The following PTCRA variants were observed in gnomAD, a reference collection of about 807,000 sequenced individuals.
PTCRA encodes pre T cell antigen receptor alpha.
A neutral mutation model predicts 13.4 loss-of-function variants in PTCRA; 9 were observed. The ratio of observed to expected loss-of-function variants is 0.67; its 90% confidence interval spans 0.41 to 1.18. The LOEUF (loss-of-function observed/expected upper bound fraction) is 1.18. PTCRA is among the 50% of genes most tolerant of loss of function. The pLI, the probability that PTCRA is intolerant of heterozygous loss-of-function variation, is 0.01. For synonymous variants in PTCRA, 153 were observed against 161.9 expected (o/e 0.94, Z 0.42); for missense variants, 353 against 359.8 (o/e 0.98, Z 0.15).
At chr6:42,920,626 C>T (rs1236817042) in intron 1 of PTCRA, among the ~76,000 whole-genome samples, 1 of 151,748 alleles carries the variant, frequency 6.6e-6, no homozygotes, top group Admixed American at 6.6e-5. Flanking sequence ...GGGGTTTCAC[C>T]GTGTTAGCCA....
chr6:42,924,336 G>A (rs778658960), intron 3 of PTCRA, 63 bp downstream of exon 3: 6 of 1,462,008 alleles, frequency 4.1e-6, no homozygotes, highest in South Asian at 2.3e-5. Flanking sequence ...GGCCCGGGGG[G>A]TGGGGCCTTC....
intron 1 of PTCRA, among the ~76,000 whole-genome samples, chr6:42,919,291 G>A (rs1767029816): frequency 6.6e-6 from 1 of 152,102 alleles, no homozygotes; most frequent in African/African-American, 2.4e-5. Flanking sequence ...ACCACGCCTG[G>A]CCTAGGCTAA....
In PTCRA at chr6:42,922,882, A is replaced by G. The variant is rs563352772; in HGVS notation, c.59-145A>G. ...GATGGGAAAATGCAAGGAGGAATGG[A>G]TGAGTGGCTAGAAGGACATGTAGAT... On this transcript the variant is annotated intron_variant, in intron 1 of 3. Coordinates refer to ENST00000304672, the MANE Select transcript of PTCRA (RefSeq NM_138296.3). 13 of 726,868 alleles carry G rather than the reference A, an allele frequency of 1.8e-5. No homozygotes were observed. In the African/African-American group the frequency reaches 2.3e-4, roughly 13 times the overall value. The allele number at this position is 726,868 out of a possible 1,614,324, so 45.0% of individuals were successfully genotyped here.
At chr6:42,918,626 C>T (rs1033478365) in intron 1 of PTCRA, among the ~76,000 whole-genome samples, 2 of 151,912 alleles carry the variant, frequency 1.3e-5, no homozygotes, top group African/African-American at 4.8e-5. Flanking sequence ...TCAGGAGTCA[C>T]GCTTAGCTCT....
intron 3 of PTCRA, 78 bp downstream of exon 3, chr6:42,924,351 C>T (rs771676065): frequency 3.2e-6 from 4 of 1,251,114 alleles, no homozygotes; most frequent in Non-Finnish European, 4.7e-6. Context: ...GCCTTCAGCT[C>T]TGGCCTAATG....
At chr6:42,921,130 C>T (rs1935763193) in intron 1 of PTCRA, among the ~76,000 whole-genome samples, 1 of 148,852 alleles carries the variant, frequency 6.7e-6, no homozygotes, top group African/African-American at 2.5e-5. Context: ...GAGACAGAAT[C>T]TTGTGCTGTT....
chr6:42,925,589 G>T lies in PTCRA; in HGVS notation c.753G>T (p.Trp251Cys). 1 of 1,601,278 alleles carries T rather than the reference G, an allele frequency of 6.2e-7. No individual in the cohort carries two copies. Among genetic ancestry groups the T allele is most frequent in the Non-Finnish European group, 8.5e-7 (1 of 1,173,550 alleles). Residue 251 changes from tryptophan to cysteine, a missense_variant, in exon 4 of 4, where the codon TGG (tryptophan) becomes TGT (cysteine). Transcript: ENST00000304672. The surrounding 1 kb of genome is among the most constrained non-coding windows in gnomAD (Gnocchi z 4.4). Reference protein sequence around the residue: ...SSYPTCPAQAWCSRSALRAPS... With the variant: ...SSYPTCPAQACCSRSALRAPS... ...ACCCCACTTGCCCAGCACAGGCCTG[G>T]TGCTCAAGATCTGCCCTCAGGGCTC... is the stretch of plus-strand genomic sequence containing the variant.
chr6:42,923,232 C>A lies in PTCRA; in HGVS notation c.264C>A (p.Asn88Lys). The change falls in exon 2 of 4, where the codon AAC becomes AAA. Residue 88 changes from asparagine to lysine, a missense_variant. Transcript: ENST00000304672. ...CAGCAACGGATGGCACCTGGACCAA[C>A]TTGGCCCATCTCTCCCTGCCTTCTG... The part of the protein sequence containing the change: ...PSPATDGTWT[N>K]LAHLSLPSEE... The A allele has an allele frequency of 6.2e-7, 1 of 1,614,252 alleles. No homozygotes were observed. Among genetic ancestry groups the A allele is most frequent in the Non-Finnish European group, 8.5e-7 (1 of 1,180,028 alleles).
chr6:42,917,266 G>A (rs756768031), intron 1 of PTCRA, among the ~76,000 whole-genome samples: 25 of 147,376 alleles, frequency 1.7e-4, no homozygotes, highest in Non-Finnish European at 2.5e-4. Flanking sequence ...ACTGTCGCCC[G>A]GGCTGGAGTA....
Position 42,922,939 on chromosome 6 carries a change from A to G in PTCRA, c.59-88A>G, listed in dbSNP as rs756533180. Reference sequence around the variant, plus strand: ...TGGAAGGATGGATGGATGGAAAGACAGAAATGTAGAACCCTAGCCTACAAC... The same window carrying G: ...TGGAAGGATGGATGGATGGAAAGACGGAAATGTAGAACCCTAGCCTACAAC... On this transcript the variant is annotated intron_variant, in intron 1 of 3. Coordinates refer to ENST00000304672, the MANE Select transcript of PTCRA (RefSeq NM_138296.3). 27 of 1,239,850 alleles carry G rather than the reference A, an allele frequency of 2.2e-5. No homozygotes were observed. In the South Asian group the frequency reaches 3.4e-4, roughly 16 times the overall value. 76.8% of individuals were successfully genotyped at this position (1,239,850 alleles called of 1,614,324 possible).
chr6:42,923,328 A>C lies in PTCRA; in HGVS notation c.360A>C (p.Thr120=), dbSNP rs758521719. ...GPGAEGHSRS[T]QPMHLSGEAS... ...GGGCTGAGGGTCACAGCAGGAGTACACAGCCCATGCATCTGTCAGGTGGGG... is the reference window on the plus strand; with the variant it reads ...GGGCTGAGGGTCACAGCAGGAGTACCCAGCCCATGCATCTGTCAGGTGGGG... The change falls in exon 2 of 4, where the codon ACA becomes ACC. Residue 120 remains threonine (T), a synonymous_variant. Coordinates refer to ENST00000304672, the MANE Select transcript of PTCRA (RefSeq NM_138296.3). The C allele has an allele frequency of 1.9e-6, 3 of 1,614,156 alleles. No individual in the cohort carries two copies. In the African/African-American group the frequency reaches 4.0e-5, roughly 22 times the overall value.
At chr6:42,917,607 T>C (rs1343856485) in intron 1 of PTCRA, among the ~76,000 whole-genome samples, 1 of 149,656 alleles carries the variant, frequency 6.7e-6, no homozygotes, top group Non-Finnish European at 1.5e-5. Context: ...TGGAGTGCAA[T>C]GGCACAATCT....
chr6:42,919,312 T>C (rs1005248493), intron 1 of PTCRA, among the ~76,000 whole-genome samples: 4 of 152,066 alleles, frequency 2.6e-5, no homozygotes, highest in African/African-American at 9.7e-5. Flanking sequence ...TTATTTGGCT[T>C]GTAAGAAATC....
At chr6:42,922,601 G>A (rs781673966) in intron 1 of PTCRA, among the ~76,000 whole-genome samples, 3 of 152,100 alleles carry the variant, frequency 2.0e-5, no homozygotes, top group East Asian at 1.9e-4. Flanking sequence ...TTAGCCGGGC[G>A]CTGTGGCGGG....
intron 1 of PTCRA, among the ~76,000 whole-genome samples, chr6:42,919,295 AG>A (rs1767030198): frequency 6.6e-6 from 1 of 152,126 alleles, no homozygotes; most frequent in African/African-American, 2.4e-5. Context: ...CGCCTGGCCT[AG>A]GCTAATTATT....
chr6:42,922,026 A>G (rs752485689), intron 1 of PTCRA, among the ~76,000 whole-genome samples: 15 of 152,098 alleles, frequency 9.9e-5, no homozygotes, highest in African/African-American at 3.1e-4. Context: ...CTCCGTCTCA[A>G]AAAGCAAGCA....
intron 2 of PTCRA, among the ~76,000 whole-genome samples, chr6:42,923,886 G>A (rs755362341): frequency 1.7e-4 from 26 of 152,172 alleles, no homozygotes; most frequent in Non-Finnish European, 2.8e-4. Flanking sequence ...TTCCTCTCTA[G>A]GGATTATCTC....
chr6:42,916,263 C>CCCTCTGGGGAGGGGA (rs1273433057), intron 1 of PTCRA, 136 bp downstream of exon 1: 9 of 838,326 alleles, frequency 1.1e-5, no homozygotes, highest in African/African-American at 6.9e-5. Flanking sequence ...TGGGGAGGGT[C>CCCTCTGGGGAGGGGA]CCTCTGGGGA....
intron 1 of PTCRA, among the ~76,000 whole-genome samples, chr6:42,917,522 C>T (rs905163528): frequency 3.2e-5 from 4 of 124,698 alleles, no homozygotes; most frequent in African/African-American, 1.3e-4. Flanking sequence ...TCACCCAGCC[C>T]GTTATATTAT....
Sources: gnomAD v4.1 joint callset for allele counts (sites outside exome capture counted in the v4.1 genomes callset) on GRCh38, gnomAD v4.1.1 for gene constraint, Gnocchi (gnomAD v3.1) non-coding constraint, MANE v1.5 for transcripts, NCBI Gene and HGNC (gene_info 2026-07-23, HGNC 2026-07-21) for gene names.